Variants in ORMDL1 observed in about 807,000 individuals in gnomAD.
ORMDL1 encodes the protein ORM1-like protein 1.
In ORMDL1, 10 loss-of-function variants were observed where a neutral mutation model predicts 13.0. The observed-to-expected ratio is 0.77, with a 90% confidence interval of 0.47 to 1.30. The LOEUF (loss-of-function observed/expected upper bound fraction) is 1.30, where lower values mean the gene tolerates loss of function less well. Ranked by LOEUF, ORMDL1 falls within the 50% of genes most tolerant of loss-of-function variation. The pLI is 0.00. For synonymous variants in ORMDL1, 61 were observed against 63.9 expected (o/e 0.95, Z 0.22); for missense variants, 171 against 186.7 (o/e 0.92, Z 0.49).
At chr2:189,779,320 A>T (rs557688700) in intron 3 of ORMDL1, among the ~76,000 whole-genome samples, 1 of 152,310 alleles carries the variant, frequency 6.6e-6, no homozygotes, top group East Asian at 1.9e-4. Context: ...CTATTAAAAT[A>T]AAAACAAATT....
chr2:189,766,923 T>C (rs979692094), downstream of ORMDL1, among the ~76,000 whole-genome samples: 3 of 152,226 alleles, frequency 2.0e-5, no homozygotes, highest in Non-Finnish European at 4.4e-5. Context: ...AGATGTAATA[T>C]ATATCAGAAG....
intron 4 of ORMDL1, 142 bp from the exon 5 acceptor site, chr2:189,772,044 G>C: frequency 9.1e-6 from 6 of 657,224 alleles, no homozygotes; most frequent in Non-Finnish European, 1.4e-5. Flanking sequence ...AAAACAAGAG[G>C]AATCGGTTTG....
chr2:189,773,029 T>C (rs1041198168), intron 4 of ORMDL1, among the ~76,000 whole-genome samples: 13 of 152,248 alleles, frequency 8.5e-5, no homozygotes, highest in Admixed American at 6.5e-4. Flanking sequence ...AAATTTATAC[T>C]TCCTTTACTG....
chr2:189,767,475 C>G (rs2047500418), downstream of ORMDL1, among the ~76,000 whole-genome samples: 1 of 152,080 alleles, frequency 6.6e-6, no homozygotes, highest in African/African-American at 2.4e-5. Flanking sequence ...TTTGAAAACT[C>G]CGGGGTTTTC....
chr2:189,766,266 A>ATTAAC (rs1187329324), downstream of ORMDL1, among the ~76,000 whole-genome samples: 1 of 152,364 alleles, frequency 6.6e-6, no homozygotes, highest in East Asian at 1.9e-4. Context: ...TATTTTACAA[A>ATTAAC]TTAACTTTTC....
At chr2:189,764,718 C>G in the ORMDL1 span, 2 of 152,110 alleles carry the variant, frequency 1.3e-5, no homozygotes, top group Non-Finnish European at 2.9e-5. Context: ...ATCGAGAGTT[C>G]CAGCTGAATC....
At chr2:189,773,147 GTTCTT>G (rs1265900218) in intron 4 of ORMDL1, among the ~76,000 whole-genome samples, 2 of 152,056 alleles carry the variant, frequency 1.3e-5, no homozygotes, top group Admixed American at 6.6e-5. Context: ...CTTATAATGG[GTTCTT>G]TTGACTATAA....
downstream of ORMDL1, among the ~76,000 whole-genome samples, chr2:189,768,942 T>C (rs949239421): frequency 6.6e-6 from 1 of 152,152 alleles, no homozygotes; most frequent in African/African-American, 2.4e-5. Context: ...ACTTGAAGAG[T>C]TATGTAAAGA....
At chr2:189,775,366 C>T (rs996468317) in intron 4 of ORMDL1, 199 bp downstream of exon 4, 18 of 505,860 alleles carry the variant, frequency 3.6e-5, no homozygotes, top group Admixed American at 3.0e-4. Context: ...ATATTGTCTC[C>T]GTATATGTAC....
downstream of ORMDL1, among the ~76,000 whole-genome samples, chr2:189,767,289 C>A (rs2047497307): frequency 6.6e-6 from 1 of 152,140 alleles, no homozygotes; most frequent in Non-Finnish European, 1.5e-5. Context: ...GTGTTAGAAG[C>A]ATATGGTTTG....
At chr2:189,779,443 A>G (rs962001554) in intron 3 of ORMDL1, among the ~76,000 whole-genome samples, 1 of 152,236 alleles carries the variant, frequency 6.6e-6, no homozygotes, top group African/African-American at 2.4e-5. Context: ...GGTCCAGGTG[A>G]AAAGAAAATA....
intron 3 of ORMDL1, among the ~76,000 whole-genome samples, chr2:189,776,697 TA>T (rs1443390851): frequency 3.9e-5 from 6 of 152,166 alleles, no homozygotes; most frequent in Non-Finnish European, 8.8e-5. Context: ...ACTTCCTAGT[TA>T]TTCCAGTAGG....
downstream of ORMDL1, among the ~76,000 whole-genome samples, chr2:189,765,787 A>G (rs996993720): frequency 6.0e-5 from 9 of 151,008 alleles, no homozygotes; most frequent in African/African-American, 1.9e-4. Flanking sequence ...ACATTGTCTT[A>G]CATTCTTTGA....
At chr2:189,774,694 A>G (rs2047655333) in intron 4 of ORMDL1, 1 of 152,216 alleles carries the variant, frequency 6.6e-6, no homozygotes, top group Non-Finnish European at 1.5e-5. Context: ...GAGACAAAAT[A>G]AAACATATAT....
chr2:189,769,487 A>C (rs1004299071), downstream of ORMDL1, among the ~76,000 whole-genome samples: 1 of 152,090 alleles, frequency 6.6e-6, no homozygotes, highest in Admixed American at 6.6e-5. Context: ...TAATTCATAT[A>C]GGTATTAGTG....
At chr2:189,776,629 G>A (rs2047703155) in intron 3 of ORMDL1, among the ~76,000 whole-genome samples, 1 of 152,090 alleles carries the variant, frequency 6.6e-6, no homozygotes, top group South Asian at 2.1e-4. Flanking sequence ...AAAAATTAGG[G>A]ATTTGAAATT....
chr2:189,775,554 C>A lies in ORMDL1; in HGVS notation c.326+11G>T. The A allele has an allele frequency of 6.3e-7, 1 of 1,589,528 alleles. No homozygotes were observed. The highest frequency in any genetic ancestry group is 8.6e-7 in the Non-Finnish European group (1 of 1,168,680). Reference sequence around the variant, plus strand: ...CAATCCTCCTCATACCTAAAAATTTCTGCCACTTACAGAATTATTGGAGAA... The same window carrying A: ...CAATCCTCCTCATACCTAAAAATTTATGCCACTTACAGAATTATTGGAGAA... On this transcript the variant is annotated intron_variant, in intron 4 of 4. Coordinates refer to ENST00000392349, the MANE Select transcript of ORMDL1 (RefSeq NM_016467.5).
chr2:189,776,440 G>A (rs1408608009), intron 3 of ORMDL1, among the ~76,000 whole-genome samples: 1 of 151,938 alleles, frequency 6.6e-6, no homozygotes, highest in Non-Finnish European at 1.5e-5. Flanking sequence ...TATAGATTTG[G>A]TTTCCTTGAG....
At chr2:189,775,765 T>G in intron 3 of ORMDL1, 49 bp from the exon 4 acceptor site, 1 of 1,561,426 alleles carries the variant, frequency 6.4e-7, no homozygotes, top group Non-Finnish European at 8.7e-7. Context: ...AATACAAAAT[T>G]AGTCTTTGTC....
Sources: gnomAD v4.1 joint callset for allele counts (sites outside exome capture counted in the v4.1 genomes callset) on GRCh38, gnomAD v4.1.1 for gene constraint, MANE v1.5 for transcripts, NCBI Gene and HGNC (gene_info 2026-07-23, HGNC 2026-07-21) for gene names.